The following CPQ variants were observed in gnomAD, a reference collection of about 807,000 sequenced individuals.
CPQ encodes the protein carboxypeptidase Q, also known as Ser-Met dipeptidase.
A neutral mutation model predicts 45.7 loss-of-function variants in CPQ; 37 were observed. The observed-to-expected ratio is 0.81, with a 90% CI of 0.62 to 1.07. CPQ has a LOEUF of 1.07. CPQ is among the 50% of genes least tolerant of loss of function. The probability of loss-of-function intolerance (pLI) is 0.00; values close to 1 mark genes in which losing one functional copy is unlikely to be tolerated. For synonymous variants in CPQ, 186 were observed against 205.8 expected, an observed-to-expected ratio of 0.90 and a Z score of 0.82; for missense variants, 537 against 572.9, an observed-to-expected ratio of 0.94 and a Z score of 0.64.
chr8:96,908,849 A>G (rs1812619027), intron 4 of CPQ, among the ~76,000 whole-genome samples: 1 of 151,830 alleles, frequency 6.6e-6, no homozygotes, highest in African/African-American at 2.4e-5. Flanking sequence ...ATATTCTCTA[A>G]GAGATCTGGG....
chr8:96,706,558 C>G (rs962701324), intron 1 of CPQ, among the ~76,000 whole-genome samples: 1 of 152,072 alleles, frequency 6.6e-6, no homozygotes, highest in African/African-American at 2.4e-5. Flanking sequence ...AAGTTCTTGT[C>G]TACATGAGTG....
At position 96,854,926 on chromosome 8, in the gene CPQ, C is replaced by G. The variant is rs141824157; in HGVS notation, c.641+19746C>G. 2.9e-3 allele frequency among the ~76,000 whole-genome samples: 448 copies of G among 152,296 alleles called. 1 individual carries two copies. The highest frequency in any genetic ancestry group is 4.3e-3 in the South Asian group (21 of 4,828). On this transcript the variant is annotated intron_variant, in intron 3 of 7. Coordinates refer to ENST00000220763, the MANE Select transcript of CPQ (RefSeq NM_016134.4). ...CACAGTCTGACTGATTTTGCTGGCT[C>G]TCACTTTCCAGAAAGGGAACCATGG...
At chr8:96,794,542 A>C (rs1436241329) in intron 2 of CPQ, among the ~76,000 whole-genome samples, 1 of 152,098 alleles carries the variant, frequency 6.6e-6, no homozygotes, top group African/African-American at 2.4e-5. Context: ...CATTTTCCCC[A>C]TTGTCTTGGG....
intron 4 of CPQ, among the ~76,000 whole-genome samples, chr8:96,960,437 T>G (rs1291336390): frequency 6.6e-6 from 1 of 152,228 alleles, no homozygotes; most frequent in African/African-American, 2.4e-5. Context: ...TAAAACTGTC[T>G]GAGCCCCTTG....
chr8:96,697,247 A>T (rs1315897075), intron 1 of CPQ, among the ~76,000 whole-genome samples: 1 of 152,220 alleles, frequency 6.6e-6, no homozygotes, highest in Non-Finnish European at 1.5e-5. Flanking sequence ...GATACATCAT[A>T]TAAACAGATT....
intron 1 of CPQ, among the ~76,000 whole-genome samples, chr8:96,666,545 G>A (rs1808927510): frequency 6.6e-6 from 1 of 152,116 alleles, no homozygotes; most frequent in Non-Finnish European, 1.5e-5. Flanking sequence ...AGAGTGTAGG[G>A]ATCAGGGAGG....
chr8:97,123,369 T>C (rs2130612706), intron 7 of CPQ, among the ~76,000 whole-genome samples: 1 of 149,786 alleles, frequency 6.7e-6, no homozygotes, highest in African/African-American at 2.4e-5. Context: ...AATGATATAA[T>C]AGGAAAAAAT....
intron 5 of CPQ, among the ~76,000 whole-genome samples, chr8:97,023,000 A>ATATATATATATATAGTATATATACTG (rs1563557058): frequency 3.4e-5 from 5 of 147,322 alleles, no homozygotes; most frequent in African/African-American, 4.9e-5. Flanking sequence ...TATATACAGT[A>ATATATATATATATAGTATATATACTG]TATATATACT....
intron 5 of CPQ, among the ~76,000 whole-genome samples, chr8:96,987,456 G>A (rs910396521): frequency 1.3e-5 from 2 of 152,144 alleles, no homozygotes; most frequent in Non-Finnish European, 2.9e-5. Flanking sequence ...AAAGAAGAGA[G>A]AGAGAAAGTG....
At chr8:97,071,441 C>T (rs1438036484) in intron 7 of CPQ, among the ~76,000 whole-genome samples, 1 of 152,166 alleles carries the variant, frequency 6.6e-6, no homozygotes, top group East Asian at 1.9e-4. Context: ...CCTCCTCTGT[C>T]CCCTATCTCA....
intron 2 of CPQ, among the ~76,000 whole-genome samples, chr8:96,787,103 T>C (rs1810778784): frequency 6.6e-6 from 1 of 152,118 alleles, no homozygotes; most frequent in South Asian, 2.1e-4. Flanking sequence ...GCCTACACCA[T>C]GGTCACAAAC....
At position 96,844,865 on chromosome 8, in the gene CPQ, A is replaced by G. The variant is rs368594353; in HGVS notation, c.641+9685A>G. Among the ~76,000 whole-genome samples, 9 of 152,310 alleles carry G rather than the reference A, an allele frequency of 5.9e-5. No homozygotes were observed. The East Asian group carries it at 1.4e-3, about 23-fold the overall frequency. ...CTCCCTCAGTCATTGACTAAAAACT[A>G]TGCACTTGTCTTTTCCATTCTCTCT... On this transcript the variant is annotated intron_variant, in intron 3 of 7. Transcript: ENST00000220763.
intron 6 of CPQ, among the ~76,000 whole-genome samples, chr8:97,048,166 G>A (rs1357326384): frequency 6.6e-6 from 1 of 152,174 alleles, no homozygotes; most frequent in Non-Finnish European, 1.5e-5. Flanking sequence ...CAGACAATGA[G>A]AATATTCCTG....
At chr8:96,677,542 T>C (rs1401631546) in intron 1 of CPQ, among the ~76,000 whole-genome samples, 1 of 152,124 alleles carries the variant, frequency 6.6e-6, no homozygotes, top group African/African-American at 2.4e-5. Flanking sequence ...GATGGTTTGT[T>C]TGAGTTCCTT....
chr8:97,013,311 T>A (rs1468404349), intron 5 of CPQ, among the ~76,000 whole-genome samples: 1 of 152,010 alleles, frequency 6.6e-6, no homozygotes. Flanking sequence ...ATAATAATAA[T>A]AATATTAATG....
intron 5 of CPQ, among the ~76,000 whole-genome samples, chr8:97,027,799 A>G (rs1809827512): frequency 6.6e-6 from 1 of 152,252 alleles, no homozygotes; most frequent in Non-Finnish European, 1.5e-5. Flanking sequence ...GCGACATTAC[A>G]ATGAATAAAA....
At chr8:96,648,222 A>T (rs1156799978) in intron 1 of CPQ, among the ~76,000 whole-genome samples, 1 of 152,226 alleles carries the variant, frequency 6.6e-6, no homozygotes, top group African/African-American at 2.4e-5. Flanking sequence ...AGCTGATGCC[A>T]GTTTGATTTA....
chr8:97,142,615 T>A (rs964055691), intron 7 of CPQ, among the ~76,000 whole-genome samples: 3 of 152,232 alleles, frequency 2.0e-5, no homozygotes, highest in Non-Finnish European at 4.4e-5. Context: ...TTCCCTTATA[T>A]CACAGGAAAT....
chr8:96,785,216 C>A lies in CPQ; in HGVS notation c.319C>A (p.Pro107Thr). The change falls in exon 2 of 8, where the codon CCA becomes ACA. Residue 107 changes from proline (P) to threonine (T), a missense_variant. Transcript: ENST00000220763. ...TGGGCTGGAGAAAGTTCACCTGGAG[C>A]CAGTGAGAATACCCCACTGGGAGAG... ...QDGLEKVHLE[P>T]VRIPHWERGE... 6.2e-7 allele frequency: 1 copy of A among 1,613,484 alleles called. No individual in the cohort carries two copies. The highest frequency in any genetic ancestry group is 8.5e-7 in the Non-Finnish European group (1 of 1,179,758).
Sources: gnomAD v4.1 joint callset for allele counts (sites outside exome capture counted in the v4.1 genomes callset) on GRCh38, gnomAD v4.1.1 for gene constraint, MANE v1.5 for transcripts, NCBI Gene and HGNC (gene_info 2026-07-23, HGNC 2026-07-21) for gene names.